The following LRRK1 variants were observed in gnomAD, a reference collection of about 807,000 sequenced individuals.
LRRK1 encodes the protein leucine-rich repeat serine/threonine-protein kinase 1.
In LRRK1, 113 loss-of-function variants were observed where a neutral mutation model predicts 209.1. That is an observed-to-expected ratio of 0.54 (90% CI 0.46 to 0.63). LRRK1 has a LOEUF of 0.63. Among genes scored for constraint, LRRK1 ranks in the 30% least tolerant of loss-of-function variants. The pLI, the probability that LRRK1 is intolerant of heterozygous loss-of-function variation, is 0.00. For missense variants in LRRK1, 2,284 were observed against 2,632.2 expected (o/e 0.87, Z 2.89); for synonymous variants, 1,144 against 1,099.7 (o/e 1.04, Z -0.80).
At chr15:100,955,813 C>A (rs931854767) in intron 2 of LRRK1, among the ~76,000 whole-genome samples, 16 of 151,992 alleles carry the variant, frequency 1.1e-4, no homozygotes, top group Non-Finnish European at 2.2e-4. Context: ...TATGCTGAAC[C>A]ATCCTTGCTT....
intron 29 of LRRK1, 101 bp from the exon 30 acceptor site, chr15:101,061,070 C>A: frequency 1.2e-6 from 1 of 843,388 alleles, no homozygotes; most frequent in South Asian, 1.5e-5. Flanking sequence ...TGGGTGGGAG[C>A]AGGGGAGGTA....
chr15:100,940,792 G>A lies in LRRK1; in HGVS notation c.97+16063G>A, dbSNP rs116489901. On this transcript the variant is annotated intron_variant, in intron 2 of 33. Coordinates refer to ENST00000388948, the MANE Select transcript of LRRK1 (RefSeq NM_024652.6). ...AACTCAGTCTTTTCCTCCAAGATAA[G>A]GATGAACAGTTGACAATACCAAGCT... 3.1e-3 allele frequency among the ~76,000 whole-genome samples: 466 copies of A among 152,320 alleles called. 3 individuals carry two copies. The highest frequency in any genetic ancestry group is 0.011 in the African/African-American group (437 of 41,560).
intron 2 of LRRK1, among the ~76,000 whole-genome samples, chr15:100,962,284 C>T (rs1209688590): frequency 6.6e-6 from 1 of 152,056 alleles, no homozygotes; most frequent in African/African-American, 2.4e-5. Flanking sequence ...AATCCCAGCA[C>T]TTTGGGAGGC....
At chr15:101,021,220 G>A (rs761635851) in intron 13 of LRRK1, 38 bp downstream of exon 13, 1 of 1,609,776 alleles carries the variant, frequency 6.2e-7, no homozygotes, top group East Asian at 2.2e-5. Context: ...TGGCTCTGCT[G>A]GCCCAGAGAG....
intron 2 of LRRK1, among the ~76,000 whole-genome samples, chr15:100,930,830 A>C (rs61347869): frequency 0.13 from 20,333 of 152,214 alleles, 1,615 homozygotes; most frequent in South Asian, 0.24. Flanking sequence ...AGGGATTTTT[A>C]TGAAATTCTT....
At chr15:100,977,447 G>A (rs897355497) in intron 3 of LRRK1, among the ~76,000 whole-genome samples, 1 of 152,202 alleles carries the variant, frequency 6.6e-6, no homozygotes, top group Non-Finnish European at 1.5e-5. Flanking sequence ...AGGAGCTGGG[G>A]TGCTAATCCC....
intron 3 of LRRK1, 111 bp downstream of exon 3, chr15:100,974,078 T>C (rs2031145841): frequency 2.1e-6 from 2 of 953,908 alleles, no homozygotes; most frequent in Non-Finnish European, 2.7e-6. Flanking sequence ...GTTTTTACTG[T>C]GTTCTGGAAA....
intron 2 of LRRK1, among the ~76,000 whole-genome samples, chr15:100,940,098 C>A (rs1473255468): frequency 6.6e-6 from 1 of 152,192 alleles, no homozygotes; most frequent in Non-Finnish European, 1.5e-5. Flanking sequence ...TGCACTGTTT[C>A]TCCAAGAATC....
chr15:100,962,814 T>TATATAC (rs1596204665), intron 2 of LRRK1, among the ~76,000 whole-genome samples: 2 of 33,950 alleles, frequency 5.9e-5, no homozygotes, highest in African/African-American at 1.9e-4. Flanking sequence ...TATATATATA[T>TATATAC]ATATATATAT....
rs1317006167 is a variant in LRRK1, at chr15:101,024,310, C to T, written c.2068-493C>T. On this transcript the variant is annotated intron_variant, in intron 15 of 33. Coordinates refer to ENST00000388948, the MANE Select transcript of LRRK1 (RefSeq NM_024652.6). The surrounding 1 kb of genome is among the most constrained non-coding windows in gnomAD (Gnocchi z 4.6). Reference sequence around the variant, plus strand: ...ATAGAGAAACCACCGTTTACACAGCCGTTCCCGGCAGCCCAACAGCTCATC... The same window carrying T: ...ATAGAGAAACCACCGTTTACACAGCTGTTCCCGGCAGCCCAACAGCTCATC... Among the ~76,000 whole-genome samples, 2 of 152,228 alleles carry T rather than the reference C, an allele frequency of 1.3e-5. No homozygotes were observed. Among genetic ancestry groups the T allele is most frequent in the East Asian group, 1.9e-4 (1 of 5,190 alleles).
At chr15:100,941,418 G>GCGTCTGTGTCTC (rs2042421574) in intron 2 of LRRK1, among the ~76,000 whole-genome samples, 11 of 130,150 alleles carry the variant, frequency 8.5e-5, no homozygotes, top group African/African-American at 1.3e-4. Flanking sequence ...GTCTCTGTGT[G>GCGTCTGTGTCTC]TGTGTGTGTC....
chr15:101,063,928 A>G (rs2141159948), intron 31 of LRRK1, among the ~76,000 whole-genome samples: 1 of 152,234 alleles, frequency 6.6e-6, no homozygotes, highest in South Asian at 2.1e-4. Context: ...ACACGACACA[A>G]AGTGTTATTG....
chr15:100,975,156 G>A (rs1017337240), intron 3 of LRRK1, among the ~76,000 whole-genome samples: 1 of 152,230 alleles, frequency 6.6e-6, no homozygotes, highest in African/African-American at 2.4e-5. Flanking sequence ...CTGTGCACAC[G>A]AGCAGGTCAG....
At chr15:101,026,513 T>C (rs888791592) in intron 17 of LRRK1, among the ~76,000 whole-genome samples, 5 of 152,174 alleles carry the variant, frequency 3.3e-5, no homozygotes, top group African/African-American at 4.8e-5. Context: ...AGTCCTTCCA[T>C]TGGGTCTGAG....
chr15:101,008,595 G>A (rs1244495464), intron 6 of LRRK1, among the ~76,000 whole-genome samples: 1 of 152,222 alleles, frequency 6.6e-6, no homozygotes, highest in Non-Finnish European at 1.5e-5. Flanking sequence ...GTTGGAGGGT[G>A]ACTTGCAGGC....
Position 101,058,617 on chromosome 15 carries a change from C to CGGGGAGT in LRRK1, c.4679+480_4679+481insAGTGGGG, listed in dbSNP as rs10668251. ...CTGCCCCAGATTGCAGAAGGGGCAACGGGGGGGGGCGTCTAAACAGAGTTG... is the reference window on the plus strand; with the variant it reads ...CTGCCCCAGATTGCAGAAGGGGCAACGGGGAGTGGGGGGGGGCGTCTAAACAGAGTTG... On this transcript the variant is annotated intron_variant, in intron 29 of 33. Coordinates refer to ENST00000388948, the MANE Select transcript of LRRK1 (RefSeq NM_024652.6). Among the ~76,000 whole-genome samples the CGGGGAGT allele has an allele frequency of 5.3e-5, 4 of 75,366 alleles. 1 individual carries two copies. Among genetic ancestry groups the CGGGGAGT allele is most frequent in the Non-Finnish European group, 8.9e-5 (4 of 45,138 alleles). 49.4% of individuals were successfully genotyped at this position (75,366 alleles called of 152,430 possible).
At chr15:100,934,513 G>A (rs2042260994) in intron 2 of LRRK1, among the ~76,000 whole-genome samples, 1 of 150,864 alleles carries the variant, frequency 6.6e-6, no homozygotes, top group East Asian at 2.0e-4. Context: ...CAAGAGAGCT[G>A]AGCAAGGTAG....
intron 33 of LRRK1, among the ~76,000 whole-genome samples, chr15:101,068,309 A>G (rs2036647273): frequency 1.3e-5 from 2 of 152,290 alleles, no homozygotes; most frequent in African/African-American, 4.8e-5. Context: ...AAACTCGGTC[A>G]TGAGCCATTC....
At chr15:101,043,011 C>T (rs1288988321) in intron 20 of LRRK1, among the ~76,000 whole-genome samples, 2 of 152,238 alleles carry the variant, frequency 1.3e-5, no homozygotes, top group Admixed American at 1.3e-4. Flanking sequence ...GTCCTCAGGC[C>T]TCTGAGTACT....
Sources: allele counts gnomAD v4.1 joint callset (sites outside exome capture counted in the v4.1 genomes callset), GRCh38; gene constraint gnomAD v4.1.1; non-coding constraint Gnocchi (gnomAD v3.1); transcripts MANE v1.5; gene names NCBI Gene and HGNC (gene_info 2026-07-23, HGNC 2026-07-21).